Variants in FAM135A observed in about 807,000 individuals in gnomAD.
FAM135A encodes the protein protein FAM135A.
In FAM135A, 79 loss-of-function variants were observed where a neutral mutation model predicts 146.8. That is an observed-to-expected ratio of 0.54 (90% CI 0.45 to 0.65). The LOEUF (loss-of-function observed/expected upper bound fraction) is 0.65. Ranked by LOEUF, FAM135A falls within the 30% of genes least tolerant of loss-of-function variation. The pLI, the probability that FAM135A is intolerant of heterozygous loss-of-function variation, is 0.00. For missense variants in FAM135A, 1,623 were observed against 1,758.2 expected (o/e 0.92, Z 1.38); for synonymous variants, 562 against 603.6 (o/e 0.93, Z 1.01).
intron 2 of FAM135A, among the ~76,000 whole-genome samples, chr6:70,421,563 T>C (rs915299264): frequency 6.6e-6 from 1 of 152,236 alleles, no homozygotes; most frequent in Admixed American, 6.5e-5. Context: ...TCAAATCCCT[T>C]CTTGTCTCTA....
intron 20 of FAM135A, among the ~76,000 whole-genome samples, chr6:70,550,716 C>T (rs977356295): frequency 4.6e-5 from 7 of 152,152 alleles, no homozygotes; most frequent in African/African-American, 1.2e-4. Flanking sequence ...TGCATTAATC[C>T]GTAACAAGAG....
chr6:70,489,546 G>A (rs1179652423), intron 10 of FAM135A, among the ~76,000 whole-genome samples: 1 of 152,112 alleles, frequency 6.6e-6, no homozygotes, highest in Non-Finnish European at 1.5e-5. Flanking sequence ...ACGCAGCAAG[G>A]GTTAAGCAGC....
chr6:70,526,299 A>G lies in FAM135A; in HGVS notation c.3215A>G (p.Lys1072Arg). Residue 1072 changes from lysine (K) to arginine (R), a missense_variant, in exon 15 of 22, where the codon AAA becomes AGA. By Grantham distance (26) the Lys-to-Arg change is conservative. Around this residue, in one of 7 missense-constraint regions of FAM135A, gnomAD observed 1,061 missense variants for 1,113.8 expected, o/e 0.95. Transcript: ENST00000418814. ...AGCCCTCAGAAGGAAACTTCTGAAA[A>G]AGAAATTAGTAATCTTCAGCAGGAA... ...ALSPQKETSE[K>R]EISNLQQEQD... is the part of the protein sequence containing the mutation. The G allele has an allele frequency of 6.2e-7, 1 of 1,613,330 alleles. No homozygotes were observed. Among genetic ancestry groups the G allele is most frequent in the Non-Finnish European group, 8.5e-7 (1 of 1,179,604 alleles).
intron 5 of FAM135A, among the ~76,000 whole-genome samples, chr6:70,465,517 T>C (rs543905032): frequency 6.6e-6 from 1 of 152,204 alleles, no homozygotes; most frequent in Admixed American, 6.5e-5. Flanking sequence ...CCTCTTGAGC[T>C]TAAGTAGTCC....
In FAM135A at chr6:70,475,742, C is replaced by A. The variant is rs999143702; in HGVS notation, c.368+9C>A. 1.3e-6 allele frequency: 2 copies of A among 1,591,364 alleles called. No individual in the cohort carries two copies. On this transcript the variant is annotated intron_variant, in intron 7 of 21. Transcript: ENST00000418814. ...ACAGATGGAGATTATTCGTAAGTAG[C>A]TAATCAATTAAAAAACCTTTAGGCA...
intron 5 of FAM135A, among the ~76,000 whole-genome samples, chr6:70,461,124 A>G (rs370849477): frequency 4.3e-4 from 66 of 152,168 alleles, no homozygotes; most frequent in Middle Eastern, 3.4e-3. Context: ...TGCCAAGCCT[A>G]TAGATAGATA....
chr6:70,556,711 T>C, intron 20 of FAM135A, 39 bp from the exon 21 acceptor site: 1 of 1,341,158 alleles, frequency 7.5e-7, no homozygotes, highest in East Asian at 2.5e-5. Context: ...TAAAATCTAG[T>C]TAACTACTGC....
At chr6:70,513,793 A>G (rs766318311) in intron 12 of FAM135A, among the ~76,000 whole-genome samples, 7 of 151,984 alleles carry the variant, frequency 4.6e-5, no homozygotes, top group Admixed American at 6.6e-5. Flanking sequence ...TTAACCTTGG[A>G]CTGACAGTTT....
intron 20 of FAM135A, among the ~76,000 whole-genome samples, chr6:70,538,761 C>G (rs1582838655): frequency 6.7e-6 from 1 of 149,514 alleles, no homozygotes; most frequent in East Asian, 1.9e-4. Context: ...ATCCTCACCC[C>G]TTTTTATAAA....
intron 20 of FAM135A, among the ~76,000 whole-genome samples, chr6:70,554,706 C>T (rs1800494336): frequency 6.6e-6 from 1 of 152,166 alleles, no homozygotes; most frequent in African/African-American, 2.4e-5. Flanking sequence ...CAGCTCACTG[C>T]AACCTCCGCC....
chr6:70,423,719 A>G (rs1034469034), intron 2 of FAM135A, among the ~76,000 whole-genome samples: 1 of 152,216 alleles, frequency 6.6e-6, no homozygotes. Context: ...GCTAAAAGGA[A>G]GGGAAAACAG....
chr6:70,541,613 A>G (rs1797936564), intron 20 of FAM135A, among the ~76,000 whole-genome samples: 1 of 152,072 alleles, frequency 6.6e-6, no homozygotes, highest in African/African-American at 2.4e-5. Context: ...TTCTTCTTGG[A>G]CAGCATCATT....
intron 11 of FAM135A, among the ~76,000 whole-genome samples, chr6:70,500,422 G>A (rs887899374): frequency 3.3e-5 from 5 of 152,118 alleles, no homozygotes; most frequent in Non-Finnish European, 5.9e-5. Flanking sequence ...CATTGGGTTA[G>A]GACATGCTCC....
chr6:70,545,996 G>A (rs1037510321), intron 20 of FAM135A, among the ~76,000 whole-genome samples: 5 of 152,062 alleles, frequency 3.3e-5, no homozygotes, highest in African/African-American at 1.2e-4. Flanking sequence ...AAATTACGTT[G>A]TAGAGATTGA....
chr6:70,525,486 A>G lies in FAM135A; in HGVS notation c.2402A>G (p.Glu801Gly). 1 of 1,612,340 alleles carries G rather than the reference A, an allele frequency of 6.2e-7. No individual in the cohort carries two copies. Among genetic ancestry groups the G allele is most frequent in the Non-Finnish European group, 8.5e-7 (1 of 1,179,254 alleles). Residue 801 changes from glutamate to glycine, a missense_variant, in exon 15 of 22, where the codon GAA becomes GGA. By Grantham distance (98) the Glu-to-Gly change is moderately conservative. Around this residue, in one of 7 missense-constraint regions of FAM135A, gnomAD observed 1,061 missense variants for 1,113.8 expected, o/e 0.95. Transcript: ENST00000418814. ...TVQGQGPCNS[E>G]RLFPQLLMKP... ...CAAGGGCAAGGTCCTTGCAATAGTG[A>G]AAGATTATTTCCTCAGCTTTTGATG... is the stretch of plus-strand genomic sequence containing the variant.
chr6:70,472,788 A>G (rs956884452), intron 5 of FAM135A, among the ~76,000 whole-genome samples: 1 of 152,136 alleles, frequency 6.6e-6, no homozygotes, highest in South Asian at 2.1e-4. Context: ...TTCAGTTTGC[A>G]TGGGTTTACA....
chr6:70,428,129 A>G (rs1460038297), intron 3 of FAM135A, among the ~76,000 whole-genome samples, 175 bp from the exon 4 acceptor site: 2 of 152,218 alleles, frequency 1.3e-5, no homozygotes, highest in Admixed American at 6.5e-5. Context: ...AGTGCAGCTT[A>G]GTAAGTATAC....
intron 12 of FAM135A, among the ~76,000 whole-genome samples, chr6:70,516,171 G>A (rs1011231235): frequency 1.1e-4 from 17 of 152,146 alleles, no homozygotes; most frequent in African/African-American, 4.1e-4. Context: ...TAAAATAGAA[G>A]TTTTCAGCCC....
chr6:70,463,867 A>G lies in FAM135A; in HGVS notation c.157+11296A>G, dbSNP rs139970506. Reference sequence around the variant, plus strand: ...CTCCATTTTGCTTTCCTCAGATTCAACAGCTTCTATCATTGCCCTTTAATT... The same window carrying G: ...CTCCATTTTGCTTTCCTCAGATTCAGCAGCTTCTATCATTGCCCTTTAATT... On this transcript the variant is annotated intron_variant, in intron 5 of 21. Transcript: ENST00000418814. Among the ~76,000 whole-genome samples, 599 of 152,348 alleles carry G rather than the reference A, an allele frequency of 3.9e-3. 8 individuals carry two copies. The highest frequency in any genetic ancestry group is 0.014 in the African/African-American group (577 of 41,576).
Sources: gnomAD v4.1 joint callset for allele counts (sites outside exome capture counted in the v4.1 genomes callset) on GRCh38, gnomAD v4.1.1 for gene constraint, gnomAD v4.1.1 regional missense constraint, MANE v1.5 for transcripts, NCBI Gene and HGNC (gene_info 2026-07-23, HGNC 2026-07-21) for gene names.